RBM26: variants seen among roughly 807,000 people sequenced by gnomAD.
RBM26 encodes the protein RNA-binding protein 26.
A neutral mutation model predicts 123.6 loss-of-function variants in RBM26; 30 were observed. The observed-to-expected ratio is 0.24, with a 90% CI of 0.18 to 0.33. The LOEUF is 0.33. Ranked by LOEUF, RBM26 falls within the 10% of genes least tolerant of loss-of-function variation. The pLI is 1.00. For synonymous variants in RBM26, 400 were observed against 404.4 expected (o/e 0.99, Z 0.13); for missense variants, 947 against 1,203.6 (o/e 0.79, Z 3.15).
intron 1 of RBM26, among the ~76,000 whole-genome samples, chr13:79,405,176 G>A (rs1366386652): frequency 6.6e-6 from 1 of 152,212 alleles, no homozygotes; most frequent in Non-Finnish European, 1.5e-5. Flanking sequence ...CGCGTAGGCG[G>A]GAAAGGGGAA....
chr13:79,348,628 A>C (rs1401167976), intron 14 of RBM26, among the ~76,000 whole-genome samples: 1 of 152,170 alleles, frequency 6.6e-6, no homozygotes, highest in Non-Finnish European at 1.5e-5. Flanking sequence ...AATGCAATCA[A>C]AAGACAGTAT....
At chr13:79,387,025 T>A (rs1448080527) in intron 1 of RBM26, among the ~76,000 whole-genome samples, 1 of 152,104 alleles carries the variant, frequency 6.6e-6, no homozygotes, top group African/African-American at 2.4e-5. Context: ...CACTTCTAAG[T>A]CTTTCTCTAA....
exon 5 of RBM26, chr13:79,312,082 C>G (rs2066911932): frequency 6.6e-6 from 1 of 151,996 alleles, no homozygotes. Context: ...TGCTTTCGCT[C>G]CACTCAAAGA....
chr13:79,353,185 C>G lies in RBM26; in HGVS notation c.2026G>C (p.Val676Leu). The G allele has an allele frequency of 1.3e-6, 2 of 1,592,788 alleles. No homozygotes were observed. Among genetic ancestry groups the G allele is most frequent in the Non-Finnish European group, 1.7e-6 (2 of 1,168,742 alleles). ...GTTGCTGAAACAGATGGCTTTGATA[C>G]AAAACCCAACCTGTCCTTCACAGAT... Reference protein sequence around the residue: ...KLSVKDRLGFVSKPSVSATEK... With the variant: ...KLSVKDRLGFLSKPSVSATEK... The change falls in exon 14 of 22, where the codon GTA becomes CTA. Residue 676 changes from valine to leucine, a missense_variant. Transcript: ENST00000438737.
rs1213325815 is a variant in RBM26 at position 79,371,222 on chromosome 13, A to G, written c.417-60T>C. 4 of 1,349,308 alleles carry G rather than the reference A, an allele frequency of 3.0e-6. No homozygotes were observed. In the African/African-American group the frequency reaches 5.8e-5, roughly 20 times the overall value. 83.6% of individuals were successfully genotyped at this position (1,349,308 alleles called of 1,614,324 possible). On this transcript the variant is annotated intron_variant, in intron 4 of 21. Coordinates refer to ENST00000438737, the MANE Select transcript of RBM26 (RefSeq NM_001366735.2). ...TTTTTAAGTGACACAGGAAAAAGCT[A>G]ATTAAATGCAAAAGTTACATTTAAT...
At chr13:79,330,768 A>G (rs979999097) in intron 20 of RBM26, among the ~76,000 whole-genome samples, 5 of 152,150 alleles carry the variant, frequency 3.3e-5, no homozygotes, top group African/African-American at 1.2e-4. Flanking sequence ...TGCAAAATCT[A>G]ATTTTTAGAA....
At position 79,405,880 on chromosome 13, in the gene RBM26, G is replaced by T. The variant is rs958890907; in HGVS notation, c.-106C>A. ...CCTCCGCGCGCCGCCCGCGTGGGCC[G>T]CGGTGGGAGGCGCCGGTGGCAGGTT... is the stretch of plus-strand genomic sequence containing the variant. On this transcript the variant is annotated 5_prime_UTR_variant, in exon 1 of 22. Coordinates refer to ENST00000438737, the MANE Select transcript of RBM26 (RefSeq NM_001366735.2). 32 of 530,406 alleles carry T rather than the reference G, an allele frequency of 6.0e-5. No homozygotes were observed. The highest frequency in any genetic ancestry group is 8.6e-5 in the Non-Finnish European group (30 of 348,184). 32.9% of individuals were successfully genotyped at this position (530,406 alleles called of 1,614,324 possible).
intron 11 of RBM26, 71 bp from the exon 12 acceptor site, chr13:79,355,455 G>T: frequency 8.1e-7 from 1 of 1,227,418 alleles, no homozygotes; most frequent in Non-Finnish European, 1.2e-6. Context: ...AAATTCCCCA[G>T]TAAGTGAAAT....
rs372414574 is a variant in RBM26 at position 79,337,090 on chromosome 13, G to A, written c.2733+12C>T. Reference sequence around the variant, plus strand: ...TTATCAGCATTTGTTTTGTTGAGCAGTAAGAAAGTACCGCAAAATGAGGAA... The same window carrying A: ...TTATCAGCATTTGTTTTGTTGAGCAATAAGAAAGTACCGCAAAATGAGGAA... On this transcript the variant is annotated intron_variant, in intron 19 of 21. Coordinates refer to ENST00000438737, the MANE Select transcript of RBM26 (RefSeq NM_001366735.2). 7.5e-6 allele frequency: 12 copies of A among 1,610,492 alleles called. No individual in the cohort carries two copies. In the East Asian group the frequency reaches 2.5e-4, roughly 33 times the overall value.
At chr13:79,369,766 A>C (rs1398480602) in intron 5 of RBM26, among the ~76,000 whole-genome samples, 1 of 152,238 alleles carries the variant, frequency 6.6e-6, no homozygotes, top group East Asian at 1.9e-4. Flanking sequence ...TCTGAAATAA[A>C]ACTTTTTAAA....
chr13:79,363,284 A>C (rs1353722532), intron 9 of RBM26, among the ~76,000 whole-genome samples: 1 of 152,194 alleles, frequency 6.6e-6, no homozygotes, highest in African/African-American at 2.4e-5. Context: ...GGCTATTAGG[A>C]ACGTGTAATA....
chr13:79,395,649 G>A (rs1199054481), intron 1 of RBM26, among the ~76,000 whole-genome samples: 1 of 152,018 alleles, frequency 6.6e-6, no homozygotes, highest in Non-Finnish European at 1.5e-5. Context: ...AGCTACTGAG[G>A]CAAAAGAATC....
intron 3 of RBM26, among the ~76,000 whole-genome samples, chr13:79,374,609 C>G (rs1187603709): frequency 1.3e-5 from 2 of 152,140 alleles, no homozygotes; most frequent in Non-Finnish European, 2.9e-5. Flanking sequence ...TTTTTAAATT[C>G]AAGTACTTTC....
chr13:79,398,928 T>C (rs1169763128), intron 1 of RBM26, among the ~76,000 whole-genome samples: 2 of 152,230 alleles, frequency 1.3e-5, no homozygotes, highest in Non-Finnish European at 2.9e-5. Context: ...ATCAGGTATA[T>C]ACTACACACA....
chr13:79,369,721 A>G (rs1594415303), intron 5 of RBM26, among the ~76,000 whole-genome samples: 1 of 152,340 alleles, frequency 6.6e-6, no homozygotes, highest in South Asian at 2.1e-4. Flanking sequence ...AAAATTATAC[A>G]TGTTGGGAAT....
rs146213503 is a variant in RBM26, at chr13:79,345,946, T to C, written c.2059-1152A>G. On this transcript the variant is annotated intron_variant, in intron 14 of 21. Coordinates refer to ENST00000438737, the MANE Select transcript of RBM26 (RefSeq NM_001366735.2). ...GGTTACTGGTTCTTAAAAAGAAGCC[T>C]AGGAATCCCTGTAGGGTGATCTACG... is the stretch of plus-strand genomic sequence containing the variant. Among the ~76,000 whole-genome samples, 1,006 of 152,254 alleles carry C rather than the reference T, an allele frequency of 6.6e-3. 9 individuals carry two copies. The highest frequency in any genetic ancestry group is 0.01 in the Non-Finnish European group (683 of 67,996).
intron 10 of RBM26, among the ~76,000 whole-genome samples, chr13:79,358,988 C>G (rs2074348356): frequency 6.6e-6 from 1 of 152,160 alleles, no homozygotes; most frequent in Non-Finnish European, 1.5e-5. Flanking sequence ...CAGAATTAAT[C>G]ACAAACAACT....
chr13:79,354,964 C>T (rs907964646), intron 12 of RBM26, among the ~76,000 whole-genome samples: 3 of 152,178 alleles, frequency 2.0e-5, no homozygotes, highest in East Asian at 1.9e-4. Flanking sequence ...TAGCTGAGTA[C>T]TCCTATCTGC....
chr13:79,346,650 A>T (rs938795862), intron 14 of RBM26, among the ~76,000 whole-genome samples: 2 of 152,178 alleles, frequency 1.3e-5, no homozygotes, highest in Non-Finnish European at 2.9e-5. Context: ...TGTTGGGATT[A>T]TAGGTGTGAG....
Sources: gnomAD v4.1 joint callset for allele counts (sites outside exome capture counted in the v4.1 genomes callset) on GRCh38, gnomAD v4.1.1 for gene constraint, MANE v1.5 for transcripts, NCBI Gene and HGNC (gene_info 2026-07-23, HGNC 2026-07-21) for gene names.